Variants in FLCN observed in about 807,000 individuals in gnomAD.
The protein encoded by FLCN is folliculin.
In FLCN, 22 loss-of-function variants were observed where a neutral mutation model predicts 62.5. That is an observed-to-expected ratio of 0.35 (90% CI 0.25 to 0.50). FLCN has a LOEUF of 0.50. Ranked by LOEUF, FLCN falls within the 20% of genes least tolerant of loss-of-function variation. The probability of loss-of-function intolerance (pLI) is 0.97; values close to 1 mark genes in which losing one functional copy is unlikely to be tolerated. For missense variants in FLCN, 657 were observed against 778.0 expected, an observed-to-expected ratio of 0.84 and a Z score of 1.85; for synonymous variants, 319 against 310.0, an observed-to-expected ratio of 1.03 and a Z score of -0.30.
intron 4 of FLCN, 103 bp from the exon 5 acceptor site, chr17:17,226,425 TA>T: frequency 7.1e-7 from 1 of 1,403,218 alleles, no homozygotes; most frequent in Admixed American, 1.8e-5. Context: ...GCTATTTTTG[TA>T]AAAAAATAAT....
At chr17:17,232,282 C>T (rs184717617) in intron 2 of FLCN, among the ~76,000 whole-genome samples, 151 of 152,342 alleles carry the variant, frequency 9.9e-4, no homozygotes, top group African/African-American at 3.5e-3. Context: ...CCCCGACACC[C>T]TCCCCTGCCC....
intron 1 of FLCN, among the ~76,000 whole-genome samples, chr17:17,234,724 T>C (rs2047531179): frequency 6.6e-6 from 1 of 150,820 alleles, no homozygotes; most frequent in East Asian, 2.0e-4. Flanking sequence ...ATGCTTGTAA[T>C]CCCAGCACTT....
chr17:17,226,121 C>A lies in FLCN; in HGVS notation c.396+55G>T, dbSNP rs587777930. ...ATGCTGGCTCCGAGCCCACCCAGAGCACCTGGGAGCATGTGGGCTCCCACA... is the reference window on the plus strand; with the variant it reads ...ATGCTGGCTCCGAGCCCACCCAGAGAACCTGGGAGCATGTGGGCTCCCACA... On this transcript the variant is annotated intron_variant, in intron 5 of 13. Transcript: ENST00000285071. 40 of 1,611,924 alleles carry A rather than the reference C, an allele frequency of 2.5e-5. No homozygotes were observed. The Middle Eastern group carries it at 6.6e-4, about 27-fold the overall frequency.
In FLCN at chr17:17,222,549, A is replaced by G. The variant is rs759928360; in HGVS notation, c.731T>C (p.Leu244Pro). Residue 244 changes from leucine to proline, a missense_variant, in exon 7 of 14, where the codon CTG becomes CCG. Leu to Pro is a moderately conservative substitution (Grantham distance 98). Coordinates refer to ENST00000285071, the MANE Select transcript of FLCN (RefSeq NM_144997.7). ...CGCCCACAGGTTGTCATCACTTGTC[A>G]GCGATGTCAGCGAGCGGGCGGCGTT... ...NGNAARSLTSLTSDDNLWACL... is the reference protein window; with the variant it reads ...NGNAARSLTSPTSDDNLWACL... 1 of 1,614,248 alleles carries G rather than the reference A, an allele frequency of 6.2e-7. No individual in the cohort carries two copies. The highest frequency in any genetic ancestry group is 1.1e-5 in the South Asian group (1 of 91,088).
At chr17:17,225,868 G>A (rs984910952) in intron 5 of FLCN, 37 of 446,778 alleles carry the variant, frequency 8.3e-5, no homozygotes, top group African/African-American at 4.0e-4. Flanking sequence ...ACGACAGAGC[G>A]AGACCCTGAC....
At chr17:17,218,114 A>G (rs1217390889) in intron 9 of FLCN, among the ~76,000 whole-genome samples, 1 of 152,162 alleles carries the variant, frequency 6.6e-6, no homozygotes, top group African/African-American at 2.4e-5. Context: ...CATTGGAAAA[A>G]TTCATGCAGA....
chr17:17,234,221 T>G (rs1399884637), intron 1 of FLCN, among the ~76,000 whole-genome samples: 63 of 147,816 alleles, frequency 4.3e-4, no homozygotes, highest in African/African-American at 1.1e-3. Flanking sequence ...TTGGTTTGTT[T>G]TTTTTTTTGC....
At chr17:17,225,867 C>T (rs1343693888) in intron 5 of FLCN, 4 of 443,110 alleles carry the variant, frequency 9.0e-6, no homozygotes, top group African/African-American at 4.0e-5. Flanking sequence ...GACGACAGAG[C>T]GAGACCCTGA....
In FLCN at chr17:17,216,277, C is replaced by T. The variant is rs1453815291; in HGVS notation, c.1300+103G>A. 1.3e-6 allele frequency: 2 copies of T among 1,529,066 alleles called. No homozygotes were observed. The highest frequency in any genetic ancestry group is 1.8e-5 in the Admixed American group (1 of 55,762). 94.7% of individuals were successfully genotyped at this position (1,529,066 alleles called of 1,614,324 possible). A position where few individuals can be genotyped will look rare whatever the true frequency, so the allele number is the denominator to read the frequency against. ...GGGGGAAGCTGGCCCTGCAATGAGG[C>T]CTCCTCTCCACAACCCATGACAGAG... On this transcript the variant is annotated intron_variant, in intron 11 of 13. Coordinates refer to ENST00000285071, the MANE Select transcript of FLCN (RefSeq NM_144997.7). This position sits in a 1 kb window ranked among gnomAD's most constrained non-coding sequence, Gnocchi z 4.0.
chr17:17,233,296 T>A (rs935147664), intron 1 of FLCN, among the ~76,000 whole-genome samples: 2 of 151,818 alleles, frequency 1.3e-5, no homozygotes, highest in Admixed American at 6.6e-5. Context: ...CTACAAAAAA[T>A]TTTTAAAAAA....
chr17:17,235,042 G>A (rs996457905), intron 1 of FLCN, among the ~76,000 whole-genome samples: 1 of 150,926 alleles, frequency 6.6e-6, no homozygotes, highest in African/African-American at 2.4e-5. Context: ...AACCCAGGAG[G>A]CACAGCTTGC....
At position 17,215,166 on chromosome 17, in the gene FLCN, T is replaced by TCTGCCTGGGGGCACC. The variant is rs1567807466; in HGVS notation, c.1432+4_1432+18dup. The TCTGCCTGGGGGCACC allele has an allele frequency of 6.2e-7, 1 of 1,613,830 alleles. No individual in the cohort carries two copies. Among genetic ancestry groups the TCTGCCTGGGGGCACC allele is most frequent in the Non-Finnish European group, 8.5e-7 (1 of 1,179,900 alleles). ...GGGCATCTTCTCACAAAAAGGACAC[T>TCTGCCTGGGGGCACC]CTGCCTGGGGGCACCCACCTCGGTC... On this transcript the variant is annotated intron_variant, in intron 12 of 13. Coordinates refer to ENST00000285071, the MANE Select transcript of FLCN (RefSeq NM_144997.7).
chr17:17,221,274 T>G, intron 8 of FLCN: 1 of 1,546,502 alleles, frequency 6.5e-7, no homozygotes, highest in Non-Finnish European at 8.7e-7. Context: ...GCCAGTTCTC[T>G]CTACAGACAG....
At chr17:17,219,966 T>G (rs1262540650) in intron 8 of FLCN, 1 of 152,334 alleles carries the variant, frequency 6.6e-6, no homozygotes, top group East Asian at 1.9e-4. Flanking sequence ...TATGCCCAGA[T>G]AGTATCCAAT....
In FLCN at chr17:17,224,111, G is replaced by A. The variant is rs773792624; in HGVS notation, c.429C>T (p.Phe143=). Residue 143 remains phenylalanine, a synonymous_variant, in exon 6 of 14, where the codon TTC becomes TTT. Coordinates refer to ENST00000285071, the MANE Select transcript of FLCN (RefSeq NM_144997.7). The part of the protein sequence containing the change: ...VCPGREGPIF[F]GDEQHGFVFS... ...ACACAAAGCCGTGCTGCTCATCTCC[G>A]AAGAAGATGGGGCCTTCACGGCCAG... 35 of 1,605,566 alleles carry A rather than the reference G, an allele frequency of 2.2e-5. No individual in the cohort carries two copies. The highest frequency in any genetic ancestry group is 4.0e-5 in the African/African-American group (3 of 74,854).
intron 1 of FLCN, among the ~76,000 whole-genome samples, chr17:17,234,237 G>A (rs1038500357): frequency 6.7e-6 from 1 of 148,626 alleles, no homozygotes; most frequent in African/African-American, 2.5e-5. Context: ...TTTGCGGAAG[G>A]GTCTCATTCT....
At chr17:17,223,410 T>A (rs1195524410) in intron 6 of FLCN, among the ~76,000 whole-genome samples, 1 of 130,894 alleles carries the variant, frequency 7.6e-6, no homozygotes, top group Non-Finnish European at 1.7e-5. Context: ...AGCATTTTCA[T>A]ATGGCTGCCG....
chr17:17,216,561 T>C lies in FLCN; in HGVS notation c.1177-58A>G. The C allele has an allele frequency of 1.2e-6, 2 of 1,607,772 alleles. No individual in the cohort carries two copies. The highest frequency in any genetic ancestry group is 2.2e-5 in the East Asian group (1 of 44,724). On this transcript the variant is annotated intron_variant, in intron 10 of 13. Coordinates refer to ENST00000285071, the MANE Select transcript of FLCN (RefSeq NM_144997.7). The surrounding 1 kb of genome is among the most constrained non-coding windows in gnomAD (Gnocchi z 4.0). ...ACGAGGAAGCCCTCAGCCCCGGCCA[T>C]CCATGCTCTACTACCCAAACCCCAC...
chr17:17,221,490 C>A (rs142934950), intron 8 of FLCN, 47 bp downstream of exon 8: 1 of 1,613,992 alleles, frequency 6.2e-7, no homozygotes, highest in South Asian at 1.1e-5. Context: ...TGGTACCGCC[C>A]CACGGCCATC....
Sources: allele counts gnomAD v4.1 joint callset (sites outside exome capture counted in the v4.1 genomes callset), GRCh38; gene constraint gnomAD v4.1.1; non-coding constraint Gnocchi (gnomAD v3.1); transcripts MANE v1.5; gene names NCBI Gene and HGNC (gene_info 2026-07-23, HGNC 2026-07-21).